EPB41L2: variants seen among roughly 807,000 people sequenced by gnomAD.
The protein encoded by EPB41L2 is band 4.1-like protein 2.
In EPB41L2, 43 loss-of-function variants were observed where a neutral mutation model predicts 113.0. That is an observed-to-expected ratio of 0.38 (90% CI 0.30 to 0.49). EPB41L2 has a LOEUF of 0.49. Among genes scored for constraint, EPB41L2 ranks in the 20% least tolerant of loss-of-function variants. The pLI, the probability that EPB41L2 is intolerant of heterozygous loss-of-function variation, is 0.95. For synonymous variants in EPB41L2, 442 were observed against 436.7 expected (o/e 1.01, Z -0.15); for missense variants, 1,147 against 1,223.4 (o/e 0.94, Z 0.93).
rs2128623319 is a variant in EPB41L2, at chr6:130,956,495, T to G, written c.-10A>C. 6.3e-7 allele frequency: 1 copy of G among 1,590,052 alleles called. No homozygotes were observed. The highest frequency in any genetic ancestry group is 1.1e-5 in the South Asian group (1 of 87,470). On this transcript the variant is annotated 5_prime_UTR_variant, in exon 2 of 20. Transcript: ENST00000337057. ...CTACTTCAGTAGTCATGGCCACAGC[T>G]TATGCTGTAATCAAAACAAAAATCA... is the stretch of plus-strand genomic sequence containing the variant.
At chr6:130,911,668 G>A (rs918061348) in intron 4 of EPB41L2, among the ~76,000 whole-genome samples, 1 of 152,000 alleles carries the variant, frequency 6.6e-6, no homozygotes, top group Non-Finnish European at 1.5e-5. Context: ...TAAACCACTA[G>A]GTTCGAACCA....
intron 14 of EPB41L2, among the ~76,000 whole-genome samples, chr6:130,873,627 A>G (rs1425354679): frequency 1.3e-5 from 2 of 152,110 alleles, no homozygotes; most frequent in African/African-American, 2.4e-5. Flanking sequence ...CACCATGCCC[A>G]GCTAATTTTT....
chr6:130,919,767 T>C (rs914934140), intron 4 of EPB41L2, among the ~76,000 whole-genome samples: 5 of 152,226 alleles, frequency 3.3e-5, no homozygotes, highest in African/African-American at 1.2e-4. Flanking sequence ...AGGTTGCTAA[T>C]GGCAATTAGA....
At chr6:130,925,045 G>T (rs1804175286) in intron 4 of EPB41L2, among the ~76,000 whole-genome samples, 1 of 152,046 alleles carries the variant, frequency 6.6e-6, no homozygotes, top group African/African-American at 2.4e-5. Context: ...AAGAATATGA[G>T]TCTGAGATTC....
rs17059787 is a variant in EPB41L2 at position 130,901,753 on chromosome 6, A to G, written c.930-573T>C. Among the ~76,000 whole-genome samples, 3,025 of 152,314 alleles carry G rather than the reference A, an allele frequency of 0.02. 196 individuals are homozygous for G. In the East Asian group the frequency reaches 0.26, roughly 13 times the overall value. ...TTTGAAGCCAGGAAGACCTGACTCTATATGACCTTGAGCAAGTTAATTTAC... is the reference window on the plus strand; with the variant it reads ...TTTGAAGCCAGGAAGACCTGACTCTGTATGACCTTGAGCAAGTTAATTTAC... On this transcript the variant is annotated intron_variant, in intron 6 of 19. Coordinates refer to ENST00000337057, the MANE Select transcript of EPB41L2 (RefSeq NM_001431.4).
chr6:130,904,136 T>C (rs570190220), intron 6 of EPB41L2, among the ~76,000 whole-genome samples: 35 of 152,308 alleles, frequency 2.3e-4, no homozygotes, highest in African/African-American at 7.5e-4. Flanking sequence ...ATGAGTTATA[T>C]ACAATAAAAA....
chr6:131,002,503 T>A (rs9402310), intron 1 of EPB41L2, among the ~76,000 whole-genome samples: 94 of 152,220 alleles, frequency 6.2e-4, no homozygotes, highest in African/African-American at 2.2e-3. Context: ...TAAGTCTGTG[T>A]ATGAGCAATT....
chr6:130,988,382 T>C (rs540073304), intron 1 of EPB41L2, among the ~76,000 whole-genome samples: 18 of 152,180 alleles, frequency 1.2e-4, no homozygotes, highest in Non-Finnish European at 2.5e-4. Context: ...AGAGTAAAGA[T>C]GACAACTTAG....
intron 11 of EPB41L2, among the ~76,000 whole-genome samples, chr6:130,889,160 T>C (rs1327026220): frequency 6.6e-6 from 1 of 151,768 alleles, no homozygotes; most frequent in Non-Finnish European, 1.5e-5. Flanking sequence ...TTTTCAAATT[T>C]AGTATTATTA....
chr6:130,986,220 T>C (rs1460009542), intron 1 of EPB41L2, among the ~76,000 whole-genome samples: 3 of 152,100 alleles, frequency 2.0e-5, no homozygotes, highest in Non-Finnish European at 4.4e-5. Flanking sequence ...ACCCACATGA[T>C]CACCTCAATA....
intron 1 of EPB41L2, among the ~76,000 whole-genome samples, chr6:131,058,679 A>G (rs1562817010): frequency 6.6e-6 from 1 of 152,202 alleles, no homozygotes; most frequent in Non-Finnish European, 1.5e-5. Flanking sequence ...ATACACACAC[A>G]TACACATACT....
At chr6:130,951,318 T>TA (rs922330618) in intron 3 of EPB41L2, among the ~76,000 whole-genome samples, 1 of 114,410 alleles carries the variant, frequency 8.7e-6, no homozygotes, top group Non-Finnish European at 1.9e-5. Flanking sequence ...AGTACTTTTT[T>TA]TTTTTTTTTT....
chr6:130,954,036 C>CTTTTTTTTTTTTTTTTTTTTTTTTT (rs1816328530), intron 3 of EPB41L2, among the ~76,000 whole-genome samples: 5 of 45,520 alleles, frequency 1.1e-4, no homozygotes, highest in African/African-American at 2.9e-4. Context: ...TAGTCCTTTT[C>CTTTTTTTTTTTTTTTTTTTTTTTTT]TTTCTTTTTT....
intron 18 of EPB41L2, among the ~76,000 whole-genome samples, chr6:130,861,218 G>A (rs1781911183): frequency 6.6e-6 from 1 of 151,754 alleles, no homozygotes; most frequent in Non-Finnish European, 1.5e-5. Context: ...AACTACAGGT[G>A]CCCGCCACTA....
chr6:130,872,411 G>A, intron 14 of EPB41L2: 1 of 1,289,280 alleles, frequency 7.8e-7, no homozygotes, highest in Non-Finnish European at 1.0e-6. Flanking sequence ...AAGCTTTTCA[G>A]AAGGTGCATT....
rs1409129355 is a variant in EPB41L2, at chr6:130,996,868, A to G, written c.-14-40369T>C. On this transcript the variant is annotated intron_variant, in intron 1 of 19. Transcript: ENST00000337057. ...TGTTACCAAGTTTTCTGCACTGAAC[A>G]TGTGTTATAATTTTCAAAAATTTAA... 2.6e-5 allele frequency among the ~76,000 whole-genome samples: 4 copies of G among 152,316 alleles called. No individual in the cohort carries two copies. The East Asian group carries it at 7.7e-4, about 29-fold the overall frequency.
intron 19 of EPB41L2, among the ~76,000 whole-genome samples, chr6:130,841,872 G>A (rs149637968): frequency 1.3e-5 from 2 of 152,300 alleles, no homozygotes; most frequent in East Asian, 3.9e-4. Context: ...AAGCCACAGA[G>A]TCTTGCAGAA....
intron 1 of EPB41L2, among the ~76,000 whole-genome samples, chr6:131,048,222 GA>G (rs1185488092): frequency 6.6e-6 from 1 of 150,742 alleles, no homozygotes; most frequent in Non-Finnish European, 1.5e-5. Context: ...GGATTCATAG[GA>G]AAAAAAATTA....
At chr6:131,029,609 A>C (rs1791644901) in intron 1 of EPB41L2, among the ~76,000 whole-genome samples, 1 of 152,214 alleles carries the variant, frequency 6.6e-6, no homozygotes, top group African/African-American at 2.4e-5. Context: ...CCAGAAATTA[A>C]AAGTTCATTC....
Sources: gnomAD v4.1 joint callset for allele counts (sites outside exome capture counted in the v4.1 genomes callset) on GRCh38, gnomAD v4.1.1 for gene constraint, MANE v1.5 for transcripts, NCBI Gene and HGNC (gene_info 2026-07-23, HGNC 2026-07-21) for gene names.